The following RIOK3 variants were observed in gnomAD, a reference collection of about 807,000 sequenced individuals.
The protein encoded by RIOK3 is RIO kinase 3.
Under a neutral mutation model 63.5 loss-of-function variants are expected in RIOK3, and 40 were observed. That is an observed-to-expected ratio of 0.63 (90% CI 0.49 to 0.82). RIOK3 has a LOEUF of 0.82. Ranked by LOEUF, RIOK3 falls within the 40% of genes least tolerant of loss-of-function variation. The pLI, the probability that RIOK3 is intolerant of heterozygous loss-of-function variation, is 0.00. For synonymous variants in RIOK3, 193 were observed against 205.0 expected (o/e 0.94, Z 0.50); for missense variants, 557 against 637.0 (o/e 0.87, Z 1.35).
At chr18:23,461,482 A>G (rs1276781387) in intron 1 of RIOK3, among the ~76,000 whole-genome samples, 1 of 152,234 alleles carries the variant, frequency 6.6e-6, no homozygotes, top group African/African-American at 2.4e-5. Context: ...AAAGTAACCC[A>G]GCGAATGGGA....
rs376929343 is a variant in RIOK3, at chr18:23,469,304, C to CCTCTCTCTCTCTCTCTCTCTCTCT, written c.815+1788_815+1811dup. Among the ~76,000 whole-genome samples, 6 of 19,408 alleles carry CCTCTCTCTCTCTCTCTCTCTCTCT rather than the reference C, an allele frequency of 3.1e-4. 3 individuals carry two copies. The highest frequency in any genetic ancestry group is 3.5e-3 in the East Asian group (2 of 570). 12.7% of individuals were successfully genotyped at this position (19,408 alleles called of 152,430 possible). On this transcript the variant is annotated intron_variant, in intron 7 of 12. Coordinates refer to ENST00000339486, the MANE Select transcript of RIOK3 (RefSeq NM_003831.5). Reference sequence around the variant, plus strand: ...CAAAGCTCTGGTTCCTTTCTTTCTTCCTCTCTCTCTCTCTCTCTCTCTCTC... The same window carrying CCTCTCTCTCTCTCTCTCTCTCTCT: ...CAAAGCTCTGGTTCCTTTCTTTCTTCCTCTCTCTCTCTCTCTCTCTCTCTCTCTCTCTCTCTCTCTCTCTCTCTC...
intron 1 of RIOK3, among the ~76,000 whole-genome samples, chr18:23,456,029 A>C (rs961189074): frequency 3.3e-5 from 5 of 151,864 alleles, no homozygotes; most frequent in African/African-American, 1.2e-4. Context: ...ATCTCTTGAC[A>C]TTGTGATCCT....
rs139893641 is a variant in RIOK3 at position 23,477,035 on chromosome 18, G to A, written c.1203G>A (p.Thr401=). The A allele has an allele frequency of 2.9e-5, 47 of 1,613,692 alleles. No homozygotes were observed. In the Admixed American group the frequency reaches 3.0e-4, roughly 10 times the overall value. The part of the protein sequence containing the change: ...HLMRQLYHEC[T]LVHADLSEYN... Reference sequence around the variant, plus strand: ...TGCGGCAGTTATATCATGAATGTACGCTTGTCCATGCTGACCTCAGTGAGT... The same window carrying A: ...TGCGGCAGTTATATCATGAATGTACACTTGTCCATGCTGACCTCAGTGAGT... Residue 401 remains threonine, a synonymous_variant, in exon 10 of 13, where the codon ACG becomes ACA. Transcript: ENST00000339486.
intron 9 of RIOK3, 106 bp downstream of exon 9, chr18:23,475,213 T>A: frequency 2.3e-6 from 2 of 860,032 alleles, no homozygotes; most frequent in South Asian, 1.8e-5. Context: ...CTCACACTTG[T>A]AATCTAGAAC....
Position 23,474,980 on chromosome 18 carries a change from T to C in RIOK3, c.1046T>C (p.Val349Ala), listed in dbSNP as rs1181586025. 1 of 1,611,844 alleles carries C rather than the reference T, an allele frequency of 6.2e-7. No homozygotes were observed. The highest frequency in any genetic ancestry group is 1.7e-5 in the Admixed American group (1 of 59,980). Reference protein sequence around the residue: ...MQRAGIPCPTVVLLKKHILVM... With the variant: ...MQRAGIPCPTAVLLKKHILVM... ...AGAGCTGGAATTCCTTGTCCAACAG[T>C]TGTACTACTGAAGAAACACATTTTA... Residue 349 changes from valine to alanine, a missense_variant, in exon 9 of 13, where the codon GTT becomes GCT. Physicochemically the swap from Val to Ala is moderately conservative, Grantham distance 64. Around this residue, in one of 3 missense-constraint regions of RIOK3, gnomAD observed 309 missense variants for 338.7 expected, o/e 0.91. Coordinates refer to ENST00000339486, the MANE Select transcript of RIOK3 (RefSeq NM_003831.5).
chr18:23,473,302 T>C (rs998401978), intron 7 of RIOK3, 127 bp from the exon 8 acceptor site: 18 of 581,698 alleles, frequency 3.1e-5, no homozygotes, highest in Non-Finnish European at 5.1e-5. Flanking sequence ...ACCTAAAGGC[T>C]TAAAAAAACA....
In RIOK3 at chr18:23,481,022, G is replaced by A. The variant is rs767112370; in HGVS notation, c.1453-150G>A. On this transcript the variant is annotated intron_variant, in intron 12 of 12. Coordinates refer to ENST00000339486, the MANE Select transcript of RIOK3 (RefSeq NM_003831.5). Reference sequence around the variant, plus strand: ...TTGAACCCAGGAGGCAGAGGTTGCAGTGAGCCGAGATTGCACCACTGCACT... The same window carrying A: ...TTGAACCCAGGAGGCAGAGGTTGCAATGAGCCGAGATTGCACCACTGCACT... The A allele has an allele frequency of 1.2e-5, 7 of 571,834 alleles. No individual in the cohort carries two copies. The East Asian group carries it at 1.9e-4, about 16-fold the overall frequency. 35.4% of individuals were successfully genotyped at this position (571,834 alleles called of 1,614,324 possible).
intron 7 of RIOK3, among the ~76,000 whole-genome samples, chr18:23,471,587 C>G (rs2057456394): frequency 6.6e-6 from 1 of 152,080 alleles, no homozygotes; most frequent in Non-Finnish European, 1.5e-5. Context: ...GCAGTAAGAT[C>G]AGTTAAAACG....
At chr18:23,456,550 G>T (rs1379966579) in intron 1 of RIOK3, 1 of 152,008 alleles carries the variant, frequency 6.6e-6, no homozygotes, top group Non-Finnish European at 1.5e-5. Context: ...TGTGAGAAAA[G>T]TGGAAAAAGA....
chr18:23,455,193 T>C (rs1385156508), intron 1 of RIOK3, among the ~76,000 whole-genome samples: 1 of 152,182 alleles, frequency 6.6e-6, no homozygotes, highest in Admixed American at 6.5e-5. Flanking sequence ...TGACTCAGCC[T>C]CCTGAGTAGC....
intron 12 of RIOK3, 86 bp from the exon 13 acceptor site, chr18:23,481,086 A>G: frequency 2.9e-6 from 3 of 1,046,582 alleles, no homozygotes; most frequent in African/African-American, 1.6e-5. Context: ...TCTCAAAAAA[A>G]GAAAAAAATT....
intron 6 of RIOK3, among the ~76,000 whole-genome samples, chr18:23,466,689 TAAAAAAAAAA>T (rs33997769): frequency 9.7e-6 from 1 of 102,898 alleles, no homozygotes; most frequent in Non-Finnish European, 1.9e-5. Flanking sequence ...GACCCTGCCT[TAAAAAAAAAA>T]AAAAAAAAAA....
intron 5 of RIOK3, among the ~76,000 whole-genome samples, chr18:23,465,590 G>C (rs1034681201): frequency 7.2e-5 from 11 of 152,240 alleles, no homozygotes; most frequent in African/African-American, 2.6e-4. Context: ...GTTCAATATG[G>C]TAGCCACATT....
intron 6 of RIOK3, 91 bp downstream of exon 6, chr18:23,466,367 T>A (rs2057408033): frequency 2.8e-6 from 3 of 1,057,214 alleles, no homozygotes; most frequent in Non-Finnish European, 4.0e-6. Context: ...TCATGTTTGA[T>A]ATTTTTTCAT....
At chr18:23,476,019 T>A (rs2057488469) in intron 9 of RIOK3, among the ~76,000 whole-genome samples, 1 of 144,074 alleles carries the variant, frequency 6.9e-6, no homozygotes, top group African/African-American at 2.6e-5. Context: ...ACTCCTGGGC[T>A]CAAGTGATCC....
intron 9 of RIOK3, 22 bp from the exon 10 acceptor site, chr18:23,476,984 T>C (rs200773833): frequency 1.4e-5 from 23 of 1,598,750 alleles, no homozygotes; most frequent in Non-Finnish European, 2.0e-5. Context: ...CATTTCCTAA[T>C]GTGTGCCTTC....
rs2145696286 is a variant in RIOK3, at chr18:23,473,694, A to G, written c.1013+68A>G. On this transcript the variant is annotated intron_variant, in intron 8 of 12. Transcript: ENST00000339486. ...TTTTTGCATTAGGATAAAAAAATCCATGCTTTCTTTTACATTCATTTATAG... is the reference window on the plus strand; with the variant it reads ...TTTTTGCATTAGGATAAAAAAATCCGTGCTTTCTTTTACATTCATTTATAG... 5.1e-6 allele frequency: 6 copies of G among 1,177,114 alleles called. No homozygotes were observed. In the East Asian group the frequency reaches 1.0e-4, roughly 20 times the overall value. The allele number at this position is 1,177,114 out of a possible 1,614,324, so 72.9% of individuals were successfully genotyped here.
rs199519541 is a variant in RIOK3 at position 23,464,355 on chromosome 18, A to G, written c.433+42A>G. On this transcript the variant is annotated intron_variant, in intron 4 of 12. Coordinates refer to ENST00000339486, the MANE Select transcript of RIOK3 (RefSeq NM_003831.5). ...TTTCTGGGGGCAGCAGAATAGAGGT[A>G]TAGGAAGACTAATCTTTTCAATGAA... The G allele has an allele frequency of 2.8e-5, 39 of 1,371,352 alleles. No individual in the cohort carries two copies. In the African/African-American group the frequency reaches 5.4e-4, roughly 19 times the overall value. 84.9% of individuals were successfully genotyped at this position (1,371,352 alleles called of 1,614,324 possible).
rs2291992 is a variant in RIOK3 at position 23,464,123 on chromosome 18, C to T, written c.325+11C>T. 75,427 of 1,607,950 alleles carry T rather than the reference C, an allele frequency of 0.047. 4,279 individuals carry two copies. Among genetic ancestry groups the T allele is most frequent in the Admixed American group, 0.26 (15,093 of 58,836 alleles). On this transcript the variant is annotated intron_variant, in intron 3 of 12. Coordinates refer to ENST00000339486, the MANE Select transcript of RIOK3 (RefSeq NM_003831.5). ...ATGGAGATAGCAAAGGTATTATAACCTTATTGTGACAACTTCATTGAGTGG... is the reference window on the plus strand; with the variant it reads ...ATGGAGATAGCAAAGGTATTATAACTTTATTGTGACAACTTCATTGAGTGG...
Sources: gnomAD v4.1 joint callset for allele counts (sites outside exome capture counted in the v4.1 genomes callset) on GRCh38, gnomAD v4.1.1 for gene constraint, gnomAD v4.1.1 regional missense constraint, MANE v1.5 for transcripts, NCBI Gene and HGNC (gene_info 2026-07-23, HGNC 2026-07-21) for gene names.